The following TNNI3K variants were observed in gnomAD, a reference collection of about 807,000 sequenced individuals.
The protein encoded by TNNI3K is serine/threonine-protein kinase TNNI3K.
Under a neutral mutation model 114.5 loss-of-function variants are expected in TNNI3K, and 140 were observed. The observed-to-expected ratio is 1.22, with a 90% CI of 1.07 to 1.41. The LOEUF is 1.41. Among genes scored for constraint, TNNI3K ranks in the 40% most tolerant of loss-of-function variants. The pLI is 0.00. For synonymous variants in TNNI3K, 347 were observed against 347.5 expected (o/e 1.00, Z 0.02); for missense variants, 1,125 against 1,007.6 (o/e 1.12, Z -1.58).
chr1:74,535,367 T>C lies in TNNI3K; in HGVS notation c.2352-4867T>C, dbSNP rs377651587. ...ATGCCTGTAATCCCAGCTACTCTTA[T>C]GCTGACACACAAGAATTGTTTGAGT... On this transcript the variant is annotated intron_variant, in intron 23 of 24. Coordinates refer to ENST00000326637, the MANE Select transcript of TNNI3K (RefSeq NM_015978.3). Among the ~76,000 whole-genome samples the C allele has an allele frequency of 1.4e-4, 22 of 152,184 alleles. No homozygotes were observed. The South Asian group carries it at 1.5e-3, about 10-fold the overall frequency.
intron 17 of TNNI3K, among the ~76,000 whole-genome samples, chr1:74,394,697 A>C (rs1002255648): frequency 4.6e-5 from 7 of 152,206 alleles, no homozygotes; most frequent in Admixed American, 1.3e-4. Flanking sequence ...CTCTGAGCTA[A>C]ATAGGATTGC....
At chr1:74,468,988 AAGG>A (rs1667790360) in intron 21 of TNNI3K, 1 of 152,168 alleles carries the variant, frequency 6.6e-6, no homozygotes, top group South Asian at 2.1e-4. Flanking sequence ...TCCAGTGTAT[AAGG>A]AGGAGTTCTC....
chr1:74,467,566 A>G (rs1333578828), intron 21 of TNNI3K, among the ~76,000 whole-genome samples: 3 of 151,928 alleles, frequency 2.0e-5, no homozygotes, highest in East Asian at 1.9e-4. Flanking sequence ...ACGTGAAATT[A>G]TGGCAATTAT....
chr1:74,408,894 A>T (rs575495680), intron 17 of TNNI3K, among the ~76,000 whole-genome samples: 2 of 152,230 alleles, frequency 1.3e-5, no homozygotes, highest in African/African-American at 2.4e-5. Flanking sequence ...ATTTAAACTC[A>T]TCACACATAT....
intron 23 of TNNI3K, among the ~76,000 whole-genome samples, chr1:74,539,752 T>C (rs940827891): frequency 2.0e-5 from 3 of 151,984 alleles, no homozygotes; most frequent in African/African-American, 4.8e-5. Context: ...TTATATTATA[T>C]GTAAAGCGAT....
intron 20 of TNNI3K, among the ~76,000 whole-genome samples, chr1:74,458,732 A>G (rs975567518): frequency 6.6e-6 from 1 of 152,170 alleles, no homozygotes; most frequent in African/African-American, 2.4e-5. Flanking sequence ...CAGTTAAATA[A>G]CACTTTTAGT....
At chr1:74,317,720 C>G (rs1030736700) in intron 5 of TNNI3K, among the ~76,000 whole-genome samples, 1 of 152,118 alleles carries the variant, frequency 6.6e-6, no homozygotes, top group Non-Finnish European at 1.5e-5. Context: ...TTAAGTCAAC[C>G]CTCTTTTATT....
At chr1:74,348,373 C>A (rs1243936702) in intron 9 of TNNI3K, among the ~76,000 whole-genome samples, 2 of 152,170 alleles carry the variant, frequency 1.3e-5, no homozygotes, top group Admixed American at 6.5e-5. Context: ...GTTTTGGTAG[C>A]AGTACCATGC....
chr1:74,516,983 G>A (rs1253931932), intron 23 of TNNI3K, among the ~76,000 whole-genome samples: 2 of 152,114 alleles, frequency 1.3e-5, no homozygotes, highest in African/African-American at 2.4e-5. Context: ...ATGCTCCCAT[G>A]AGCATCATTA....
At chr1:74,444,932 A>G (rs1384928871) in intron 20 of TNNI3K, among the ~76,000 whole-genome samples, 1 of 152,144 alleles carries the variant, frequency 6.6e-6, no homozygotes, top group African/African-American at 2.4e-5. Flanking sequence ...AAAAACAAGC[A>G]ATGGGGAACC....
intron 23 of TNNI3K, among the ~76,000 whole-genome samples, chr1:74,527,426 A>G (rs762702644): frequency 1.3e-5 from 2 of 152,242 alleles, no homozygotes; most frequent in African/African-American, 4.8e-5. Context: ...ACAAGATTAG[A>G]TGGAGTGGTA....
chr1:74,505,975 A>G (rs939503383), intron 23 of TNNI3K, among the ~76,000 whole-genome samples: 2 of 152,010 alleles, frequency 1.3e-5, no homozygotes, highest in African/African-American at 4.8e-5. Context: ...AAGAGAAAGT[A>G]AAAAAATGAA....
At chr1:74,412,674 G>A (rs1664939249) in intron 17 of TNNI3K, among the ~76,000 whole-genome samples, 1 of 152,082 alleles carries the variant, frequency 6.6e-6, no homozygotes. Flanking sequence ...GAGTGTAGTG[G>A]CGTGATCTCA....
At chr1:74,430,011 A>T (rs2100651897) in intron 17 of TNNI3K, among the ~76,000 whole-genome samples, 1 of 152,230 alleles carries the variant, frequency 6.6e-6, no homozygotes, top group East Asian at 1.9e-4. Context: ...TGTTAGTAAC[A>T]ACTGACATAG....
In TNNI3K at chr1:74,235,472, A is replaced by C. The variant is rs370113173; in HGVS notation, c.21A>C (p.Arg7Ser). The C allele has an allele frequency of 6.6e-7, 1 of 1,510,272 alleles. No homozygotes were observed. Among genetic ancestry groups the C allele is most frequent in the African/African-American group, 1.4e-5 (1 of 71,178 alleles). The allele number at this position is 1,510,272 out of a possible 1,614,324, so 93.6% of individuals were successfully genotyped here. Reference protein sequence around the residue: MGNYKSRPTQTCTDEWK... With the variant: MGNYKSSPTQTCTDEWK... Reference sequence around the variant, plus strand: ...AATAAATGGGAAATTATAAATCTAGACCAACCCAAACTTGTACTGGTAATT... The same window carrying C: ...AATAAATGGGAAATTATAAATCTAGCCCAACCCAAACTTGTACTGGTAATT... The change falls in exon 1 of 25, where the codon AGA (arginine) becomes AGC (serine). Residue 7 changes from arginine (R) to serine (S), a missense_variant. By Grantham distance (110) the Arg-to-Ser change is moderately radical. Coordinates refer to ENST00000326637, the MANE Select transcript of TNNI3K (RefSeq NM_015978.3).
At chr1:74,432,008 C>T (rs1665922595) in intron 17 of TNNI3K, among the ~76,000 whole-genome samples, 1 of 152,042 alleles carries the variant, frequency 6.6e-6, no homozygotes, top group Non-Finnish European at 1.5e-5. Context: ...AAAAGCATTC[C>T]TCAGTGACTC....
intron 11 of TNNI3K, among the ~76,000 whole-genome samples, chr1:74,362,264 T>G (rs1662007579): frequency 6.6e-6 from 1 of 152,108 alleles, no homozygotes. Context: ...AAGCCTAATA[T>G]TTATCATTAC....
At chr1:74,301,660 T>C (rs1442884403) in intron 5 of TNNI3K, among the ~76,000 whole-genome samples, 1 of 152,204 alleles carries the variant, frequency 6.6e-6, no homozygotes, top group African/African-American at 2.4e-5. Context: ...AACCAAAATC[T>C]ATGTTCTTTT....
intron 20 of TNNI3K, among the ~76,000 whole-genome samples, chr1:74,440,796 G>A (rs1021140982): frequency 2.6e-5 from 4 of 152,094 alleles, no homozygotes; most frequent in African/African-American, 7.2e-5. Context: ...CCATTTGTAA[G>A]GTCTTGTTCT....
Sources: allele counts gnomAD v4.1 joint callset (sites outside exome capture counted in the v4.1 genomes callset), GRCh38; gene constraint gnomAD v4.1.1; transcripts MANE v1.5; gene names NCBI Gene and HGNC (gene_info 2026-07-23, HGNC 2026-07-21).